Variants in SULF1 observed in about 807,000 individuals in gnomAD.
The protein encoded by SULF1 is sulfatase 1.
Under a neutral mutation model 110.5 loss-of-function variants are expected in SULF1, and 46 were observed. The observed-to-expected ratio is 0.42, with a 90% CI of 0.33 to 0.53. SULF1 has a LOEUF of 0.53. SULF1 is among the 20% of genes least tolerant of loss of function. The pLI is 0.12. For synonymous variants in SULF1, 371 were observed against 387.1 expected, an observed-to-expected ratio of 0.96 and a Z score of 0.49; for missense variants, 941 against 1,094.2, an observed-to-expected ratio of 0.86 and a Z score of 1.98.
rs923139724 is a variant in SULF1, at chr8:69,545,079, G to A, written c.-133-18460G>A. On this transcript the variant is annotated intron_variant, in intron 3 of 22. Transcript: ENST00000402687. ...TCCTAAAAAATTATAAAAAGATAAAGGAATTCTTTTTTTTTTTTTTTCATT... is the reference window on the plus strand; with the variant it reads ...TCCTAAAAAATTATAAAAAGATAAAAGAATTCTTTTTTTTTTTTTTTCATT... Among the ~76,000 whole-genome samples, 201 of 125,560 alleles carry A rather than the reference G, an allele frequency of 1.6e-3. 5 individuals are homozygous for A. The highest frequency in any genetic ancestry group is 1.7e-3 in the Non-Finnish European group (106 of 62,820). 82.4% of individuals were successfully genotyped at this position (125,560 alleles called of 152,430 possible).
At chr8:69,627,893 C>G in intron 17 of SULF1, 27 bp downstream of exon 17, 3 of 1,562,878 alleles carry the variant, frequency 1.9e-6, no homozygotes, top group Non-Finnish European at 2.6e-6. Flanking sequence ...CCATGCTCCA[C>G]TTTCCAAATT....
intron 22 of SULF1, chr8:69,642,334 A>C: frequency 1.0e-6 from 1 of 987,324 alleles, no homozygotes; most frequent in Non-Finnish European, 1.2e-6. Flanking sequence ...CCAAATGACA[A>C]CAGGAAAGGT....
chr8:69,560,342 T>TC (rs1343252678), intron 3 of SULF1, among the ~76,000 whole-genome samples: 5 of 151,670 alleles, frequency 3.3e-5, no homozygotes, highest in African/African-American at 1.2e-4. Context: ...TGCCAGTCTT[T>TC]TTTTTTTTTC....
intron 17 of SULF1, 63 bp from the exon 18 acceptor site, chr8:69,628,108 A>C (rs1810237980): frequency 1.4e-6 from 2 of 1,392,610 alleles, no homozygotes; most frequent in Admixed American, 3.7e-5. Context: ...TCTTTTTATA[A>C]AATGAACACT....
In SULF1 at chr8:69,660,203, G is replaced by C. The variant is rs1264720862; in HGVS notation, c.*1668G>C. The stretch of plus-strand genomic sequence containing the variant: ...TCATCTTTTTTGGTTTTCTTGGCAT[G>C]ACTAAGAAGCTTAAATGTTGATAAA... On this transcript the variant is annotated 3_prime_UTR_variant, in exon 23 of 23. Transcript: ENST00000402687. The C allele has an allele frequency of 6.6e-6, 1 of 152,052 alleles. No homozygotes were observed. Among genetic ancestry groups the C allele is most frequent in the Non-Finnish European group, 1.5e-5 (1 of 68,002 alleles). The allele number at this position is 152,052 out of a possible 1,614,324, so 9.4% of individuals were successfully genotyped here.
At chr8:69,578,864 G>A (rs564427405) in intron 6 of SULF1, among the ~76,000 whole-genome samples, 1 of 152,256 alleles carries the variant, frequency 6.6e-6, no homozygotes, top group African/African-American at 2.4e-5. Flanking sequence ...CAAAAACTTA[G>A]TTAACAGTAG....
chr8:69,555,390 G>A (rs1815043600), intron 3 of SULF1, among the ~76,000 whole-genome samples: 1 of 152,218 alleles, frequency 6.6e-6, no homozygotes, highest in South Asian at 2.1e-4. Flanking sequence ...GGGCGTGGTG[G>A]CTCACGCCTG....
At chr8:69,566,609 G>C (rs1455271480) in intron 5 of SULF1, among the ~76,000 whole-genome samples, 1 of 152,092 alleles carries the variant, frequency 6.6e-6, no homozygotes, top group Admixed American at 6.5e-5. Context: ...CCAGCACTTC[G>C]GGAGGCTGAG....
At chr8:69,611,888 G>A (rs1272761341) in intron 13 of SULF1, among the ~76,000 whole-genome samples, 1 of 151,946 alleles carries the variant, frequency 6.6e-6, no homozygotes, top group Non-Finnish European at 1.5e-5. Context: ...GATACAAGTG[G>A]TTTTTGGTTA....
At chr8:69,477,116 A>G (rs1370266161) in intron 1 of SULF1, among the ~76,000 whole-genome samples, 1 of 152,338 alleles carries the variant, frequency 6.6e-6, no homozygotes, top group Middle Eastern at 3.4e-3. Context: ...TTGGAGGTAC[A>G]AAGACTTCTG....
chr8:69,510,647 C>T (rs1478154707), intron 3 of SULF1, among the ~76,000 whole-genome samples: 2 of 145,618 alleles, frequency 1.4e-5, no homozygotes, highest in Non-Finnish European at 3.0e-5. Flanking sequence ...GACAAAGTCT[C>T]ACTCTGTCAC....
chr8:69,498,949 C>T (rs141167391), intron 2 of SULF1, among the ~76,000 whole-genome samples: 50 of 152,308 alleles, frequency 3.3e-4, no homozygotes, highest in African/African-American at 1.1e-3. Context: ...GCCTTGACTT[C>T]CTGGGCTGAA....
intron 1 of SULF1, among the ~76,000 whole-genome samples, chr8:69,493,430 C>CAT (rs1280822352): frequency 6.7e-6 from 1 of 148,336 alleles, no homozygotes; most frequent in African/African-American, 2.5e-5. Context: ...ACACACCACA[C>CAT]ACACACACAC....
At chr8:69,649,250 G>GT (rs1812149370) in intron 22 of SULF1, among the ~76,000 whole-genome samples, 1 of 152,060 alleles carries the variant, frequency 6.6e-6, no homozygotes, top group Admixed American at 6.5e-5. Flanking sequence ...TTGCTTTATT[G>GT]TTTTTTCTTG....
intron 2 of SULF1, among the ~76,000 whole-genome samples, chr8:69,499,232 G>A (rs1338043194): frequency 6.6e-6 from 1 of 152,094 alleles, no homozygotes; most frequent in Non-Finnish European, 1.5e-5. Context: ...GTTGTTTTAT[G>A]TTTGTATAGC....
intron 3 of SULF1, among the ~76,000 whole-genome samples, chr8:69,553,905 C>A (rs1224463863): frequency 6.6e-6 from 1 of 152,118 alleles, no homozygotes; most frequent in Non-Finnish European, 1.5e-5. Flanking sequence ...AAAATCAGCC[C>A]AACCCTGTTG....
chr8:69,614,647 C>T (rs768438644), intron 13 of SULF1, among the ~76,000 whole-genome samples: 1 of 152,224 alleles, frequency 6.6e-6, no homozygotes, highest in Non-Finnish European at 1.5e-5. Flanking sequence ...TATATACAGG[C>T]AGATATAATC....
chr8:69,532,187 A>C (rs1444412501), intron 3 of SULF1, among the ~76,000 whole-genome samples: 2 of 152,204 alleles, frequency 1.3e-5, no homozygotes, highest in East Asian at 3.8e-4. Context: ...AAATTGTTCA[A>C]GTCACTCATA....
intron 6 of SULF1, among the ~76,000 whole-genome samples, chr8:69,580,072 T>C (rs1586460196): frequency 6.6e-6 from 1 of 152,198 alleles, no homozygotes; most frequent in East Asian, 1.9e-4. Context: ...AATCCAATAT[T>C]ATATTTACCA....
Sources: allele counts gnomAD v4.1 joint callset (sites outside exome capture counted in the v4.1 genomes callset), GRCh38; gene constraint gnomAD v4.1.1; transcripts MANE v1.5; gene names NCBI Gene and HGNC (gene_info 2026-07-23, HGNC 2026-07-21).